PRKACB: variants seen among roughly 807,000 people sequenced by gnomAD.
PRKACB encodes cAMP-dependent protein kinase catalytic subunit beta.
PRKACB carries 16 observed loss-of-function variants against 51.4 expected under a neutral mutation model. The ratio of observed to expected loss-of-function variants is 0.31; its 90% confidence interval spans 0.21 to 0.47. The LOEUF (loss-of-function observed/expected upper bound fraction) is 0.47, where lower values mean the gene tolerates loss of function less well. PRKACB is among the 20% of genes least tolerant of loss of function. The pLI is 1.00. For missense variants in PRKACB, 309 were observed against 464.5 expected, an observed-to-expected ratio of 0.67 and a Z score of 3.08; for synonymous variants, 147 against 154.4, an observed-to-expected ratio of 0.95 and a Z score of 0.35.
In PRKACB at chr1:84,204,725, C is replaced by A. The variant is rs536548070; in HGVS notation, c.906+1920C>A. Reference sequence around the variant, plus strand: ...TTTAATTGACAGTAATTATAAAGTTCTTGAATCTTTACTATATTACTTTTA... The same window carrying A: ...TTTAATTGACAGTAATTATAAAGTTATTGAATCTTTACTATATTACTTTTA... On this transcript the variant is annotated intron_variant, in intron 8 of 9. Transcript: ENST00000370685. 6 of 934,614 alleles carry A rather than the reference C, an allele frequency of 6.4e-6. No homozygotes were observed. The Admixed American group carries it at 1.8e-4, about 28-fold the overall frequency. 57.9% of individuals were successfully genotyped at this position (934,614 alleles called of 1,614,324 possible).
chr1:84,207,466 G>A (rs928155514), intron 8 of PRKACB, among the ~76,000 whole-genome samples: 7 of 152,218 alleles, frequency 4.6e-5, no homozygotes, highest in South Asian at 2.1e-4. Flanking sequence ...CATGCCTAGC[G>A]TATGAAAAGT....
intron 5 of PRKACB, among the ~76,000 whole-genome samples, chr1:84,191,386 G>A (rs989597289): frequency 6.6e-6 from 1 of 152,010 alleles, no homozygotes; most frequent in Admixed American, 6.6e-5. Flanking sequence ...TAAGCTGAGA[G>A]GTCCCCTGCT....
chr1:84,158,518 C>T (rs949159616), intron 1 of PRKACB, among the ~76,000 whole-genome samples: 3 of 151,982 alleles, frequency 2.0e-5, no homozygotes, highest in Non-Finnish European at 2.9e-5. Context: ...AAAATTGAGT[C>T]GTTTTTCTTC....
chr1:84,126,985 A>C (rs1027003776), intron 1 of PRKACB, among the ~76,000 whole-genome samples: 1 of 152,078 alleles, frequency 6.6e-6, no homozygotes, highest in East Asian at 1.9e-4. Context: ...TTCCACCTAC[A>C]CAGAAGATTC....
At chr1:84,179,113 ATATTCT>A in intron 1 of PRKACB, 58 bp from the exon 2 acceptor site, 1 of 1,463,890 alleles carries the variant, frequency 6.8e-7, no homozygotes, top group African/African-American at 1.4e-5. Context: ...TGCAATATAA[ATATTCT>A]TATACAGAAT....
At position 84,164,543 on chromosome 1, in the gene PRKACB, T is replaced by C. The variant is rs143721535; in HGVS notation, c.188-14634T>C. 347 of 1,434,574 alleles carry C rather than the reference T, an allele frequency of 2.4e-4. 3 individuals carry two copies. The East Asian group carries it at 7.3e-3, about 30-fold the overall frequency. 88.9% of individuals were successfully genotyped at this position (1,434,574 alleles called of 1,614,324 possible). On this transcript the variant is annotated intron_variant, in intron 1 of 9. Coordinates refer to ENST00000370685, the MANE Select transcript of PRKACB (RefSeq NM_182948.4). ...ATCATGTGGCTCTAAAATAAAAAGG[T>C]ATTTTATTTGTCTGGTGGATTAAAG...
intron 5 of PRKACB, among the ~76,000 whole-genome samples, chr1:84,189,565 A>T (rs1048951015): frequency 6.6e-6 from 1 of 151,906 alleles, no homozygotes; most frequent in Non-Finnish European, 1.5e-5. Context: ...GGGATGTATG[A>T]CCTTCAAATC....
intron 1 of PRKACB, among the ~76,000 whole-genome samples, chr1:84,100,793 C>G (rs1481417371): frequency 2.6e-5 from 4 of 152,102 alleles, no homozygotes; most frequent in Admixed American, 2.0e-4. Context: ...CTCATTTAAT[C>G]TTTACAACTC....
At chr1:84,198,495 A>G (rs529869764) in intron 7 of PRKACB, among the ~76,000 whole-genome samples, 4 of 152,288 alleles carry the variant, frequency 2.6e-5, no homozygotes, top group Non-Finnish European at 5.9e-5. Context: ...AAATGGAATC[A>G]TTGAAATATG....
chr1:84,107,583 G>A (rs1261911704), intron 1 of PRKACB, among the ~76,000 whole-genome samples: 1 of 152,038 alleles, frequency 6.6e-6, no homozygotes, highest in East Asian at 1.9e-4. Flanking sequence ...TCTGACTAAT[G>A]TATAGTTAGT....
chr1:84,165,484 T>C (rs1282693993), intron 1 of PRKACB, among the ~76,000 whole-genome samples: 1 of 151,866 alleles, frequency 6.6e-6, no homozygotes, highest in African/African-American at 2.4e-5. Context: ...GATGTCTTGG[T>C]TGCTTTTACC....
At chr1:84,154,246 G>A (rs1043496629) in intron 1 of PRKACB, among the ~76,000 whole-genome samples, 3 of 151,986 alleles carry the variant, frequency 2.0e-5, no homozygotes, top group African/African-American at 7.2e-5. Flanking sequence ...AGTTGTTTGA[G>A]TTCCTTATAT....
At chr1:84,089,047 C>T (rs933754938) in intron 1 of PRKACB, among the ~76,000 whole-genome samples, 3 of 152,142 alleles carry the variant, frequency 2.0e-5, no homozygotes, top group South Asian at 2.1e-4. Context: ...AGCACTTGTA[C>T]TACATTGCTT....
intron 1 of PRKACB, among the ~76,000 whole-genome samples, chr1:84,126,723 C>G (rs1380234940): frequency 3.3e-5 from 5 of 152,184 alleles, no homozygotes; most frequent in African/African-American, 1.2e-4. Context: ...ACTTCCTCAC[C>G]CTTCCCCAGC....
intron 1 of PRKACB, chr1:84,164,887 T>C (rs970802188): frequency 1.9e-5 from 27 of 1,452,258 alleles, no homozygotes; most frequent in Middle Eastern, 1.8e-4. Flanking sequence ...TTCTGTGTGC[T>C]GCATGCTCCA....
chr1:84,173,224 C>G lies in PRKACB; in HGVS notation c.188-5953C>G. The stretch of plus-strand genomic sequence containing the variant: ...ATGTATGTTCAATTGTTTTATCATT[C>G]TATTTCTATGTGCAGTACAGTAGTG... On this transcript the variant is annotated intron_variant, in intron 1 of 9. Coordinates refer to ENST00000370685, the MANE Select transcript of PRKACB (RefSeq NM_182948.4). 10 of 693,414 alleles carry G rather than the reference C, an allele frequency of 1.4e-5. 1 individual carries two copies. The highest frequency in any genetic ancestry group is 5.2e-4 in the Middle Eastern group (2 of 3,816). 43.0% of individuals were successfully genotyped at this position (693,414 alleles called of 1,614,324 possible).
chr1:84,154,659 C>A (rs1486484957), intron 1 of PRKACB, among the ~76,000 whole-genome samples: 1 of 152,062 alleles, frequency 6.6e-6, no homozygotes, highest in African/African-American at 2.4e-5. Flanking sequence ...TGCAAAAATT[C>A]TCAACAAAAT....
intron 1 of PRKACB, among the ~76,000 whole-genome samples, chr1:84,134,440 A>G (rs1025926153): frequency 2.6e-5 from 4 of 152,210 alleles, no homozygotes; most frequent in African/African-American, 9.6e-5. Context: ...CTGCAATGTT[A>G]AAAGAGATAG....
At chr1:84,163,163 TGCAAATTGAG>T (rs1656456303) in intron 1 of PRKACB, among the ~76,000 whole-genome samples, 1 of 152,090 alleles carries the variant, frequency 6.6e-6, no homozygotes, top group Non-Finnish European at 1.5e-5. Flanking sequence ...TGGAACTGTG[TGCAAATTGAG>T]GAGCACATGC....
Sources: gnomAD v4.1 joint callset for allele counts (sites outside exome capture counted in the v4.1 genomes callset) on GRCh38, gnomAD v4.1.1 for gene constraint, MANE v1.5 for transcripts, NCBI Gene and HGNC (gene_info 2026-07-23, HGNC 2026-07-21) for gene names.